HIVEP2: variants seen among roughly 807,000 people sequenced by gnomAD.
HIVEP2 encodes HIVEP zinc finger 2.
In HIVEP2, 14 loss-of-function variants were observed where a neutral mutation model predicts 180.7. The observed-to-expected ratio is 0.08, with a 90% CI of 0.05 to 0.12. The LOEUF is 0.12. Among genes scored for constraint, HIVEP2 ranks in the 10% least tolerant of loss-of-function variants. The pLI is 1.00. For synonymous variants in HIVEP2, 1,184 were observed against 1,136.4 expected (o/e 1.04, Z -0.84); for missense variants, 2,579 against 3,008.5 (o/e 0.86, Z 3.34).
chr6:142,861,999 T>G (rs1775990492), intron 1 of HIVEP2, among the ~76,000 whole-genome samples: 1 of 152,188 alleles, frequency 6.6e-6, no homozygotes, highest in African/African-American at 2.4e-5. Context: ...AAGTGGCACT[T>G]GAAGTTTTAT....
At chr6:142,911,746 G>C (rs1338264429) in intron 1 of HIVEP2, among the ~76,000 whole-genome samples, 2 of 152,168 alleles carry the variant, frequency 1.3e-5, no homozygotes, top group African/African-American at 4.8e-5. Context: ...TCCAGTTCAA[G>C]AAACAATCAG....
rs1165207352 is a variant in HIVEP2 at position 142,753,403 on chromosome 6, C to A, written c.7045G>T (p.Asp2349Tyr). 4 of 1,613,868 alleles carry A rather than the reference C, an allele frequency of 2.5e-6. No individual in the cohort carries two copies. Among genetic ancestry groups the A allele is most frequent in the African/African-American group, 1.3e-5 (1 of 74,944 alleles). The change falls in exon 10 of 10, where the codon GAT (aspartate) becomes TAT (tyrosine). Residue 2349 changes from aspartate to tyrosine, a missense_variant. This residue lies in a region of HIVEP2 where 660 missense variants were observed against 731.7 expected (regional missense o/e 0.90). Coordinates refer to ENST00000367603, the MANE Select transcript of HIVEP2 (RefSeq NM_006734.4). ...GGCTCCTGCACCCGCGCTGGCTGATCTGGCCCGAGCAGAGCTGCCTCTTCC... is the reference window on the plus strand; with the variant it reads ...GGCTCCTGCACCCGCGCTGGCTGATATGGCCCGAGCAGAGCTGCCTCTTCC... ...ATEEAALLGP[D>Y]QPARVQEPHQ...
intron 1 of HIVEP2, among the ~76,000 whole-genome samples, chr6:142,854,035 A>G (rs1257948798): frequency 3.3e-5 from 5 of 152,112 alleles, no homozygotes; most frequent in Admixed American, 6.6e-5. Flanking sequence ...TTAGTCACAT[A>G]ATGTTCTCAG....
chr6:142,897,305 C>A (rs1236137717), intron 1 of HIVEP2, among the ~76,000 whole-genome samples: 2 of 152,180 alleles, frequency 1.3e-5, no homozygotes, highest in Admixed American at 1.3e-4. Context: ...AATTGGCATA[C>A]CTGCTTTAAA....
chr6:142,908,037 A>G (rs1023771975), intron 1 of HIVEP2, among the ~76,000 whole-genome samples: 4 of 152,214 alleles, frequency 2.6e-5, no homozygotes, highest in African/African-American at 9.7e-5. Flanking sequence ...CTTTTAGCAC[A>G]ACAACCTAAA....
At chr6:142,832,717 C>T (rs1287457073) in intron 2 of HIVEP2, among the ~76,000 whole-genome samples, 1 of 152,084 alleles carries the variant, frequency 6.6e-6, no homozygotes, top group Non-Finnish European at 1.5e-5. Context: ...CTGTAACTGC[C>T]AAGGGAACCG....
intron 1 of HIVEP2, among the ~76,000 whole-genome samples, chr6:142,937,170 A>G (rs927537707): frequency 6.6e-6 from 1 of 152,226 alleles, no homozygotes; most frequent in Non-Finnish European, 1.5e-5. Context: ...CTCAGTGAGA[A>G]ACACCCCAGA....
intron 1 of HIVEP2, among the ~76,000 whole-genome samples, chr6:142,944,055 G>A (rs982461278): frequency 6.6e-6 from 1 of 152,206 alleles, no homozygotes; most frequent in Non-Finnish European, 1.5e-5. Flanking sequence ...GGGAAGACTA[G>A]TGCCTGCAGT....
At chr6:142,867,050 C>A (rs1437217526) in intron 1 of HIVEP2, among the ~76,000 whole-genome samples, 1 of 152,114 alleles carries the variant, frequency 6.6e-6, no homozygotes, top group Admixed American at 6.5e-5. Flanking sequence ...GTATTTCCAA[C>A]CTGCTCTGGG....
rs1446143562 is a variant in HIVEP2 at position 142,753,777 on chromosome 6, G to A, written c.6671C>T (p.Ala2224Val). The A allele has an allele frequency of 1.9e-6, 3 of 1,614,056 alleles. No individual in the cohort carries two copies. The highest frequency in any genetic ancestry group is 3.3e-5 in the Admixed American group (2 of 60,000). ...LPLHSQQQVR[A>V]PIPMVPVGGI... ...ACCAACGGGCACCATGGGGATAGGG[G>A]CTCGCACTTGTTGCTGAGAGTGGAG... Residue 2224 changes from alanine (A) to valine (V), a missense_variant, in exon 10 of 10, where the codon GCC becomes GTC. By Grantham distance (64) the Ala-to-Val change is moderately conservative. Coordinates refer to ENST00000367603, the MANE Select transcript of HIVEP2 (RefSeq NM_006734.4).
At chr6:142,913,458 T>G (rs923897416) in intron 1 of HIVEP2, among the ~76,000 whole-genome samples, 1 of 152,244 alleles carries the variant, frequency 6.6e-6, no homozygotes, top group Non-Finnish European at 1.5e-5. Flanking sequence ...GTTATCACAC[T>G]GGTACTTCAC....
chr6:142,928,022 T>C (rs1215351531), intron 1 of HIVEP2, among the ~76,000 whole-genome samples: 1 of 152,236 alleles, frequency 6.6e-6, no homozygotes, highest in African/African-American at 2.4e-5. Context: ...TCTCTAACAT[T>C]TGAACTAAGC....
At chr6:142,912,898 C>T (rs1777450233) in intron 1 of HIVEP2, among the ~76,000 whole-genome samples, 1 of 152,104 alleles carries the variant, frequency 6.6e-6, no homozygotes, top group African/African-American at 2.4e-5. Flanking sequence ...GAGGTAGATG[C>T]TTAGGTGGAA....
chr6:142,813,149 T>C (rs1265788946), intron 2 of HIVEP2, among the ~76,000 whole-genome samples: 2 of 152,194 alleles, frequency 1.3e-5, no homozygotes, highest in Admixed American at 6.5e-5. Context: ...GATGGATATA[T>C]ACACTGTTTA....
chr6:142,887,281 A>T (rs1562279260), intron 1 of HIVEP2, among the ~76,000 whole-genome samples: 1 of 152,202 alleles, frequency 6.6e-6, no homozygotes, highest in African/African-American at 2.4e-5. Context: ...AACCTAAAAG[A>T]TAAGATGAGA....
chr6:142,816,786 T>A (rs538266222), intron 2 of HIVEP2, among the ~76,000 whole-genome samples: 7 of 152,364 alleles, frequency 4.6e-5, no homozygotes, highest in African/African-American at 1.4e-4. Flanking sequence ...TTACTGCCAA[T>A]GAGTTGTTCA....
Position 142,770,300 on chromosome 6 carries a change from T to C in HIVEP2, c.4439A>G (p.Asn1480Ser). 2 of 1,614,106 alleles carry C rather than the reference T, an allele frequency of 1.2e-6. No individual in the cohort carries two copies. The highest frequency in any genetic ancestry group is 1.7e-6 in the Non-Finnish European group (2 of 1,180,034). The change falls in exon 5 of 10, where the codon AAC (asparagine) becomes AGC (serine). Residue 1480 changes from asparagine to serine, a missense_variant. Asn to Ser is a conservative substitution (Grantham distance 46). This residue lies in a region of HIVEP2 where 349 missense variants were observed against 367.2 expected (regional missense o/e 0.95). Transcript: ENST00000367603. This position sits in a 1 kb window ranked among gnomAD's most constrained non-coding sequence, Gnocchi z 4.7. ...VEELSAVELT[N>S]SDIKKDLSRP... Reference sequence around the variant, plus strand: ...GGAGAGGTCCTTTTTGATGTCTGAGTTGGTCAGCTCCACAGCACTAAGCTC... The same window carrying C: ...GGAGAGGTCCTTTTTGATGTCTGAGCTGGTCAGCTCCACAGCACTAAGCTC...
At chr6:142,782,753 CAT>C (rs898442661) in intron 3 of HIVEP2, among the ~76,000 whole-genome samples, 6 of 152,194 alleles carry the variant, frequency 3.9e-5, no homozygotes, top group Non-Finnish European at 7.4e-5. Flanking sequence ...GAGAAACAAA[CAT>C]ATTTTTTCAC....
chr6:142,888,134 A>C (rs899847419), intron 1 of HIVEP2, among the ~76,000 whole-genome samples: 1 of 152,230 alleles, frequency 6.6e-6, no homozygotes, highest in Admixed American at 6.6e-5. Context: ...AGTCAAGGAC[A>C]GATAACTCAC....
Sources: allele counts gnomAD v4.1 joint callset (sites outside exome capture counted in the v4.1 genomes callset), GRCh38; gene constraint gnomAD v4.1.1; regional missense constraint gnomAD v4.1.1; non-coding constraint Gnocchi (gnomAD v3.1); transcripts MANE v1.5; gene names NCBI Gene and HGNC (gene_info 2026-07-23, HGNC 2026-07-21).